LEMD1: variants seen among roughly 807,000 people sequenced by gnomAD.
LEMD1 encodes the protein LEM domain-containing protein 1.
A neutral mutation model predicts 17.4 loss-of-function variants in LEMD1; 18 were observed. The ratio of observed to expected loss-of-function variants is 1.04; its 90% CI spans 0.72 to 1.54. The LOEUF (loss-of-function observed/expected upper bound fraction) is 1.54, where lower values mean the gene tolerates loss of function less well. LEMD1 is among the 40% of genes most tolerant of loss of function. The pLI is 0.00. For synonymous variants in LEMD1, 88 were observed against 77.8 expected (o/e 1.13, Z -0.69); for missense variants, 195 against 210.4 (o/e 0.93, Z 0.45).
intron 1 of LEMD1, among the ~76,000 whole-genome samples, chr1:205,431,147 C>A (rs754408606): frequency 6.6e-5 from 10 of 152,232 alleles, no homozygotes; most frequent in Admixed American, 1.3e-4. Context: ...TATTTCTTGT[C>A]TATTACCTGA....
chr1:205,396,856 G>C (rs903975195), intron 4 of LEMD1, among the ~76,000 whole-genome samples: 2 of 152,228 alleles, frequency 1.3e-5, no homozygotes, highest in Admixed American at 1.3e-4. Context: ...GGGGGCTTCA[G>C]CTGATTCAGC....
chr1:205,439,084 G>A (rs1337403855), intron 1 of LEMD1, among the ~76,000 whole-genome samples: 2 of 152,124 alleles, frequency 1.3e-5, no homozygotes, highest in African/African-American at 2.4e-5. Flanking sequence ...GCAGGTGACC[G>A]CTAGGGAAAC....
At chr1:205,382,978 T>C (rs1002170964) in intron 5 of LEMD1, among the ~76,000 whole-genome samples, 2 of 152,232 alleles carry the variant, frequency 1.3e-5, no homozygotes, top group Non-Finnish European at 2.9e-5. Context: ...ACTTTCTGAC[T>C]AATACAATTG....
intron 4 of LEMD1, among the ~76,000 whole-genome samples, chr1:205,411,262 AAAAG>A (rs1391538261): frequency 3.0e-4 from 45 of 150,454 alleles, no homozygotes; most frequent in African/African-American, 1.0e-3. Context: ...GAAGGAAGGA[AAAAG>A]AAAGAAGAAA....
intron 4 of LEMD1, among the ~76,000 whole-genome samples, chr1:205,400,262 T>C (rs1664779400): frequency 6.6e-6 from 1 of 152,196 alleles, no homozygotes; most frequent in Admixed American, 6.5e-5. Flanking sequence ...GAGGTCTCAC[T>C]ATGTTGCCCA....
At chr1:205,416,748 T>C (rs889745576) in intron 3 of LEMD1, among the ~76,000 whole-genome samples, 5 of 152,212 alleles carry the variant, frequency 3.3e-5, no homozygotes, top group African/African-American at 4.8e-5. Context: ...GAAAAGGATG[T>C]TGTTAATTAG....
intron 4 of LEMD1, among the ~76,000 whole-genome samples, chr1:205,395,723 C>T (rs964126446): frequency 2.6e-5 from 4 of 151,790 alleles, no homozygotes; most frequent in Admixed American, 1.3e-4. Flanking sequence ...CTGGAAGATA[C>T]GTGCTACACA....
intron 1 of LEMD1, among the ~76,000 whole-genome samples, chr1:205,446,523 C>T (rs1666391943): frequency 1.3e-5 from 2 of 152,222 alleles, no homozygotes; most frequent in Middle Eastern, 3.2e-3. Flanking sequence ...AGGCTGAGCC[C>T]AGTGCTGGGG....
chr1:205,415,372 G>A (rs1665650449), intron 4 of LEMD1, among the ~76,000 whole-genome samples: 1 of 152,112 alleles, frequency 6.6e-6, no homozygotes, highest in African/African-American at 2.4e-5. Flanking sequence ...GCAAAGAGGG[G>A]GTGAGGGAAT....
At position 205,381,706 on chromosome 1, in the gene LEMD1, A is replaced by T. The variant is rs368106885; in HGVS notation, c.498T>A (p.Ile166=). 3.3e-5 allele frequency: 54 copies of T among 1,614,132 alleles called. No homozygotes were observed. The Middle Eastern group carries it at 1.6e-3, about 49-fold the overall frequency. Residue 166 remains isoleucine, a synonymous_variant, in exon 6 of 6, where the codon ATT becomes ATA. Coordinates refer to ENST00000367153, the MANE Select transcript of LEMD1 (RefSeq NM_001199050.2). Reference sequence around the variant, plus strand: ...CCACAGTCAGGTAGACAAACACCACAATGATGAAAATACCAAGCACAGCAA... The same window carrying T: ...CCACAGTCAGGTAGACAAACACCACTATGATGAAAATACCAAGCACAGCAA... ...LKLAVLGIFI[I]VVFVYLTVEN...
At chr1:205,387,963 T>C (rs1450666508) in intron 4 of LEMD1, among the ~76,000 whole-genome samples, 6 of 152,220 alleles carry the variant, frequency 3.9e-5, no homozygotes, top group African/African-American at 1.2e-4. Flanking sequence ...AACCACCCTA[T>C]GTGAAAGGTG....
At chr1:205,414,309 A>G (rs4951219) in intron 4 of LEMD1, among the ~76,000 whole-genome samples, 127,263 of 151,628 alleles carry the variant, frequency 0.84, 53,637 homozygotes, top group East Asian at 1. Flanking sequence ...GAGGCCGGGC[A>G]AGGTGGCTGA....
chr1:205,448,121 C>T lies in LEMD1; in HGVS notation c.-39+1747G>A, dbSNP rs537576456. Among the ~76,000 whole-genome samples the T allele has an allele frequency of 6.6e-6, 1 of 152,326 alleles. No homozygotes were observed. The highest frequency in any genetic ancestry group is 6.5e-5 in the Admixed American group (1 of 15,312). On this transcript the variant is annotated intron_variant, in intron 1 of 3. Coordinates refer to the LEMD1 transcript ENST00000367154. This position sits in a 1 kb window ranked among gnomAD's most constrained non-coding sequence, Gnocchi z 4.7. ...TCTGGAATCACCGGCCCAGTCTCTT[C>T]ATTCCAGAGTGAGGAAACAGGGCCA...
At chr1:205,420,600 A>G (rs1188974818) in intron 1 of LEMD1, 26 bp from the exon 2 acceptor site, 1 of 1,224,054 alleles carries the variant, frequency 8.2e-7, no homozygotes, top group Non-Finnish European at 1.2e-6. Flanking sequence ...CATTAAATTC[A>G]TTAAGACAGC....
chr1:205,417,962 T>A (rs1199731900), intron 3 of LEMD1, among the ~76,000 whole-genome samples: 1 of 152,088 alleles, frequency 6.6e-6, no homozygotes, highest in Non-Finnish European at 1.5e-5. Flanking sequence ...TCTCACTTTC[T>A]TTCATCCAAC....
rs1666220200 is a variant in LEMD1, at chr1:205,437,012, A to G, written c.-39+12856T>C. 3 of 152,460 alleles carry G rather than the reference A, an allele frequency of 2.0e-5. No homozygotes were observed. The South Asian group carries it at 6.2e-4, about 32-fold the overall frequency. 9.4% of individuals were successfully genotyped at this position (152,460 alleles called of 1,614,324 possible). On this transcript the variant is annotated intron_variant, in intron 1 of 3. Coordinates refer to the LEMD1 transcript ENST00000367154. ...AATTTGCCAAGGTCAGGAGTCAGTC[A>G]TGGCAGAACACTGGGGGGCTGTGGC...
chr1:205,413,950 C>T (rs761557093), intron 4 of LEMD1, among the ~76,000 whole-genome samples: 6 of 151,946 alleles, frequency 3.9e-5, no homozygotes, highest in Non-Finnish European at 8.8e-5. Flanking sequence ...TTGAGATATT[C>T]CTTAAAAGAT....
chr1:205,418,539 G>A (rs180753458), intron 3 of LEMD1, among the ~76,000 whole-genome samples: 29 of 152,034 alleles, frequency 1.9e-4, no homozygotes, highest in African/African-American at 6.0e-4. Context: ...TTTTTTAGAC[G>A]GAGTCTCGCT....
chr1:205,420,998 C>G (rs1665938211), intron 1 of LEMD1, among the ~76,000 whole-genome samples: 1 of 150,740 alleles, frequency 6.6e-6, no homozygotes. Flanking sequence ...TATCCCTGCC[C>G]TCCTTTTGAT....
Sources: allele counts gnomAD v4.1 joint callset (sites outside exome capture counted in the v4.1 genomes callset), GRCh38; gene constraint gnomAD v4.1.1; non-coding constraint Gnocchi (gnomAD v3.1); transcripts MANE v1.5; gene names NCBI Gene and HGNC (gene_info 2026-07-23, HGNC 2026-07-21).